The following PRPF38A variants were observed in gnomAD, a reference collection of about 807,000 sequenced individuals.
The protein encoded by PRPF38A is pre-mRNA-splicing factor 38A.
A neutral mutation model predicts 46.8 loss-of-function variants in PRPF38A; 11 were observed. The ratio of observed to expected loss-of-function variants is 0.24; its 90% confidence interval spans 0.15 to 0.39. The LOEUF (loss-of-function observed/expected upper bound fraction) is 0.39, where lower values mean the gene tolerates loss of function less well. PRPF38A is among the 10% of genes least tolerant of loss of function. The pLI is 1.00. For synonymous variants in PRPF38A, 124 were observed against 136.2 expected (o/e 0.91, Z 0.62); for missense variants, 261 against 407.5 (o/e 0.64, Z 3.10).
chr1:52,415,992 G>C (rs536985951), intron 9 of PRPF38A, among the ~76,000 whole-genome samples: 1 of 151,808 alleles, frequency 6.6e-6, no homozygotes, highest in South Asian at 2.1e-4. Flanking sequence ...ACAGGTGCCC[G>C]CCACCACCCT....
rs1011711301 is a variant in PRPF38A at position 52,420,658 on chromosome 1, G to C, written c.*3968G>C. ...AAATATAGCATATGAGCCCACTTTT[G>C]TAAAACTATTTGTATATATGTGCCT... is the stretch of plus-strand genomic sequence containing the variant. On this transcript the variant is annotated 3_prime_UTR_variant, in exon 10 of 10. Coordinates refer to ENST00000257181, the MANE Select transcript of PRPF38A (RefSeq NM_032864.4). The C allele has an allele frequency of 2.6e-5, 4 of 152,060 alleles. No homozygotes were observed. Among genetic ancestry groups the C allele is most frequent in the Non-Finnish European group, 4.4e-5 (3 of 68,006 alleles). The allele number at this position is 152,060 out of a possible 1,614,324, so 9.4% of individuals were successfully genotyped here.
chr1:52,406,240 C>A (rs566623286), intron 2 of PRPF38A, among the ~76,000 whole-genome samples: 32 of 152,208 alleles, frequency 2.1e-4, no homozygotes, highest in Non-Finnish European at 3.5e-4. Context: ...CCCCTCCCCC[C>A]CCGGGCCTCC....
In PRPF38A at chr1:52,419,730, T is replaced by C. The variant is rs942836862; in HGVS notation, c.*3040T>C. ...AAATAAAAAATGGAAAAGAGAAATA[T>C]GTAGAATAAAGAAATATTCTGATGG... On this transcript the variant is annotated 3_prime_UTR_variant, in exon 10 of 10. Coordinates refer to ENST00000257181, the MANE Select transcript of PRPF38A (RefSeq NM_032864.4). 2.6e-5 allele frequency: 4 copies of C among 151,978 alleles called. No homozygotes were observed. The highest frequency in any genetic ancestry group is 4.4e-5 in the Non-Finnish European group (3 of 68,018). 9.4% of individuals were successfully genotyped at this position (151,978 alleles called of 1,614,324 possible).
chr1:52,404,666 T>C lies in PRPF38A; in HGVS notation c.-84T>C, dbSNP rs1276386189. 2 of 1,468,274 alleles carry C rather than the reference T, an allele frequency of 1.4e-6. No homozygotes were observed. Among genetic ancestry groups the C allele is most frequent in the East Asian group, 2.3e-5 (1 of 43,480 alleles). 91.0% of individuals were successfully genotyped at this position (1,468,274 alleles called of 1,614,324 possible). On this transcript the variant is annotated 5_prime_UTR_variant, in exon 1 of 10. Transcript: ENST00000257181. ...TGTTTAGTGAAACTTCTTCCACCTT[T>C]CTCCATTCCTCTAGGTGCTTTTTCT...
rs1648308195 is a variant in PRPF38A, at chr1:52,416,855, C to G, written c.*165C>G. 1 of 632,330 alleles carries G rather than the reference C, an allele frequency of 1.6e-6. No individual in the cohort carries two copies. Among genetic ancestry groups the G allele is most frequent in the South Asian group, 1.9e-5 (1 of 52,610 alleles). 39.2% of individuals were successfully genotyped at this position (632,330 alleles called of 1,614,324 possible). ...ATGAAGGAGGTGCTGAGTTTTGTAT[C>G]TTTTTAATCATAATCAACATCAGTT... On this transcript the variant is annotated 3_prime_UTR_variant, in exon 10 of 10. Transcript: ENST00000257181.
intron 3 of PRPF38A, among the ~76,000 whole-genome samples, chr1:52,410,401 T>C (rs1281752530): frequency 6.6e-6 from 1 of 150,638 alleles, no homozygotes; most frequent in Non-Finnish European, 1.5e-5. Context: ...CGCAAATTAC[T>C]TAAATTTAGT....
At chr1:52,414,936 A>G in intron 8 of PRPF38A, 77 bp downstream of exon 8, 1 of 1,347,604 alleles carries the variant, frequency 7.4e-7, no homozygotes, top group Non-Finnish European at 1.1e-6. Flanking sequence ...CCTGCAGTAC[A>G]GGAGTGCCTG....
chr1:52,416,541 T>C lies in PRPF38A; in HGVS notation c.897-107T>C, dbSNP rs1648297541. On this transcript the variant is annotated intron_variant, in intron 9 of 9. Transcript: ENST00000257181. ...CCAGGCTGGTCTCGAATTCCTGACC[T>C]CAGGTGATCTGCCTACCTTGGCATC... is the stretch of plus-strand genomic sequence containing the variant. 3 of 748,824 alleles carry C rather than the reference T, an allele frequency of 4.0e-6. No homozygotes were observed. The South Asian group carries it at 5.0e-5, about 12-fold the overall frequency. 46.4% of individuals were successfully genotyped at this position (748,824 alleles called of 1,614,324 possible).
At chr1:52,405,517 C>G (rs1324469887) in intron 1 of PRPF38A, among the ~76,000 whole-genome samples, 163 bp from the exon 2 acceptor site, 3 of 152,186 alleles carry the variant, frequency 2.0e-5, no homozygotes, top group Non-Finnish European at 4.4e-5. Flanking sequence ...ATTATCCATT[C>G]TCAATGTATA....
intron 1 of PRPF38A, 99 bp downstream of exon 1, chr1:52,404,978 T>G: frequency 5.3e-4 from 750 of 1,405,912 alleles, no homozygotes; most frequent in Middle Eastern, 1.1e-3. Context: ...GGGGTGGTAC[T>G]GGAACGGAGT....
Position 52,415,358 on chromosome 1 carries a change from C to T in PRPF38A, c.868C>T (p.His290Tyr), listed in dbSNP as rs1648259470. The T allele has an allele frequency of 1.2e-6, 2 of 1,613,972 alleles. No homozygotes were observed. The highest frequency in any genetic ancestry group is 2.2e-5 in the East Asian group (1 of 44,884). The stretch of plus-strand genomic sequence containing the variant: ...CCCAGGTCATCACCGTAGTCACAGA[C>T]ACAGGAGCCACTCAAAGTCTCCCGA... ...KSPGHHRSHR[H>Y]RSHSKSPERS... Residue 290 changes from histidine (H) to tyrosine (Y), a missense_variant, in exon 9 of 10, where the codon CAC becomes TAC. His to Tyr is a moderately conservative substitution (Grantham distance 83). Transcript: ENST00000257181.
chr1:52,411,330 G>GTCT (rs1648144305), intron 4 of PRPF38A, 130 bp downstream of exon 4: 1 of 629,800 alleles, frequency 1.6e-6, no homozygotes, highest in Non-Finnish European at 2.8e-6. Context: ...TAGTCTTCCT[G>GTCT]TCTGGGAGTC....
chr1:52,404,887 G>A lies in PRPF38A; in HGVS notation c.130+8G>A. 1 of 1,613,204 alleles carries A rather than the reference G, an allele frequency of 6.2e-7. No homozygotes were observed. On this transcript the variant is annotated splice_region_variant and intron_variant, in intron 1 of 9. Coordinates refer to ENST00000257181, the MANE Select transcript of PRPF38A (RefSeq NM_032864.4). Reference sequence around the variant, plus strand: ...AGTGCTTTGGACTTACAGGTAAGTGGAAGCGCGCGGAGCGCCTCTCAGCCC... The same window carrying A: ...AGTGCTTTGGACTTACAGGTAAGTGAAAGCGCGCGGAGCGCCTCTCAGCCC...
rs542617529 is a variant in PRPF38A at position 52,416,663 on chromosome 1, C to T, written c.912C>T (p.His304=). The change falls in exon 10 of 10, where the codon CAC becomes CAT. Residue 304 remains histidine (H), a synonymous_variant. Transcript: ENST00000257181. ...SKSPERSKKS[H]KKSRRGNE Reference sequence around the variant, plus strand: ...GCCATTTCAGGTCTAAGAAGAGCCACAAGAAGAGCCGGAGAGGGAATGAGT... The same window carrying T: ...GCCATTTCAGGTCTAAGAAGAGCCATAAGAAGAGCCGGAGAGGGAATGAGT... 1 of 1,612,986 alleles carries T rather than the reference C, an allele frequency of 6.2e-7. No individual in the cohort carries two copies. Among genetic ancestry groups the T allele is most frequent in the South Asian group, 1.1e-5 (1 of 91,064 alleles).
intron 9 of PRPF38A, among the ~76,000 whole-genome samples, chr1:52,415,654 A>C (rs576279300): frequency 6.6e-6 from 1 of 150,438 alleles, no homozygotes; most frequent in South Asian, 2.1e-4. Context: ...GTTCAAGCTG[A>C]TACCTGTTTT....
At chr1:52,404,999 T>C in intron 1 of PRPF38A, 120 bp downstream of exon 1, 1 of 1,241,024 alleles carries the variant, frequency 8.1e-7, no homozygotes, top group East Asian at 2.4e-5. Context: ...ATGTCGATCA[T>C]TCAGAAAAAT....
rs1035930128 is a variant in PRPF38A, at chr1:52,415,319, A to G, written c.848-19A>G. The G allele has an allele frequency of 1.2e-6, 2 of 1,612,738 alleles. No individual in the cohort carries two copies. The highest frequency in any genetic ancestry group is 1.7e-6 in the Non-Finnish European group (2 of 1,178,832). On this transcript the variant is annotated intron_variant, in intron 8 of 9. Transcript: ENST00000257181. The stretch of plus-strand genomic sequence containing the variant: ...GAGTAGAAGGGTAGGATCTTATGCA[A>G]TGGCCTTTTCTTCCCCAGGTCATCA...
At chr1:52,415,832 C>CTTTTTTTTTTTTTTTTT in intron 9 of PRPF38A, among the ~76,000 whole-genome samples, 1 of 51,570 alleles carries the variant, frequency 1.9e-5, no homozygotes, top group Non-Finnish European at 3.2e-5. Context: ...TGGGTGCACT[C>CTTTTTTTTTTTTTTTTT]TTTTTTTTTT....
At chr1:52,416,286 C>G (rs1021921971) in intron 9 of PRPF38A, among the ~76,000 whole-genome samples, 9 of 151,552 alleles carry the variant, frequency 5.9e-5, no homozygotes, top group Non-Finnish European at 1.2e-4. Context: ...CCATCAATGT[C>G]AGCATACCAA....
Sources: allele counts gnomAD v4.1 joint callset (sites outside exome capture counted in the v4.1 genomes callset), GRCh38; gene constraint gnomAD v4.1.1; transcripts MANE v1.5; gene names NCBI Gene and HGNC (gene_info 2026-07-23, HGNC 2026-07-21).